KLHL29: variants seen among roughly 807,000 people sequenced by gnomAD.
KLHL29 encodes kelch-like protein 29.
Under a neutral mutation model 80.4 loss-of-function variants are expected in KLHL29, and 21 were observed. The observed-to-expected ratio is 0.26, with a 90% CI of 0.19 to 0.38. KLHL29 has a LOEUF of 0.38. Ranked by LOEUF, KLHL29 falls within the 10% of genes least tolerant of loss-of-function variation. The pLI, the probability that KLHL29 is intolerant of heterozygous loss-of-function variation, is 1.00. For missense variants in KLHL29, 867 were observed against 1,223.9 expected, an observed-to-expected ratio of 0.71 and a Z score of 4.35; for synonymous variants, 511 against 526.8, an observed-to-expected ratio of 0.97 and a Z score of 0.41.
At chr2:23,531,235 A>C (rs892948346) in intron 2 of KLHL29, among the ~76,000 whole-genome samples, 1 of 152,264 alleles carries the variant, frequency 6.6e-6, no homozygotes, top group Non-Finnish European at 1.5e-5. Context: ...AGCTGGGACC[A>C]GGGTGCAGCC....
At chr2:23,594,398 A>T (rs1414310347) in intron 3 of KLHL29, among the ~76,000 whole-genome samples, 1 of 151,922 alleles carries the variant, frequency 6.6e-6, no homozygotes, top group East Asian at 1.9e-4. Flanking sequence ...AAGACCAGGG[A>T]CATTTCGTTC....
At chr2:23,484,181 A>G (rs1664870493) in intron 2 of KLHL29, among the ~76,000 whole-genome samples, 1 of 152,192 alleles carries the variant, frequency 6.6e-6, no homozygotes, top group Admixed American at 6.5e-5. Flanking sequence ...AGACCCCTCC[A>G]CTTGCTCCTA....
intron 5 of KLHL29, among the ~76,000 whole-genome samples, chr2:23,652,822 G>A (rs995980106): frequency 3.3e-5 from 5 of 152,082 alleles, no homozygotes; most frequent in Non-Finnish European, 5.9e-5. Flanking sequence ...CTGTCCACTC[G>A]GCTGATTTCT....
chr2:23,631,916 C>G (rs913924151), intron 3 of KLHL29, among the ~76,000 whole-genome samples: 3 of 152,080 alleles, frequency 2.0e-5, no homozygotes, highest in Non-Finnish European at 4.4e-5. Context: ...TCAGTCCCCA[C>G]GCACAGGCCC....
chr2:23,404,466 A>T (rs891986859), intron 1 of KLHL29, among the ~76,000 whole-genome samples: 1 of 152,140 alleles, frequency 6.6e-6, no homozygotes, highest in Non-Finnish European at 1.5e-5. Flanking sequence ...TTTGAGATTT[A>T]AAAAAAAGAA....
At chr2:23,584,142 G>C (rs548209770) in intron 3 of KLHL29, among the ~76,000 whole-genome samples, 2 of 152,190 alleles carry the variant, frequency 1.3e-5, no homozygotes, top group Non-Finnish European at 2.9e-5. Flanking sequence ...GAAGATGAGC[G>C]ATCCCCAGGC....
intron 1 of KLHL29, among the ~76,000 whole-genome samples, chr2:23,393,659 G>A (rs748724244): frequency 2.6e-5 from 4 of 152,264 alleles, no homozygotes; most frequent in Non-Finnish European, 2.9e-5. Flanking sequence ...GTTTTTTCTC[G>A]AGATGGGTGT....
At chr2:23,540,967 G>A (rs540605891) in intron 2 of KLHL29, among the ~76,000 whole-genome samples, 3 of 152,328 alleles carry the variant, frequency 2.0e-5, no homozygotes, top group African/African-American at 7.2e-5. Flanking sequence ...CTTATGGCCA[G>A]GGGGATAGAA....
intron 1 of KLHL29, among the ~76,000 whole-genome samples, chr2:23,386,096 C>T (rs1399642996): frequency 2.0e-5 from 3 of 152,088 alleles, no homozygotes; most frequent in Non-Finnish European, 4.4e-5. Flanking sequence ...GCTTGTGTGA[C>T]CCCTGGCCGG....
intron 3 of KLHL29, among the ~76,000 whole-genome samples, chr2:23,575,402 G>A (rs1667819998): frequency 6.6e-6 from 1 of 152,218 alleles, no homozygotes; most frequent in Non-Finnish European, 1.5e-5. Flanking sequence ...ATTCTAAGAA[G>A]CAAGTCTGGA....
At chr2:23,474,435 A>C (rs1471472459) in intron 1 of KLHL29, among the ~76,000 whole-genome samples, 1 of 152,176 alleles carries the variant, frequency 6.6e-6, no homozygotes, top group African/African-American at 2.4e-5. Context: ...CTTGTGCTTC[A>C]CCTTGGAGAG....
intron 2 of KLHL29, among the ~76,000 whole-genome samples, chr2:23,561,777 A>G (rs1667453396): frequency 6.6e-6 from 1 of 151,802 alleles, no homozygotes; most frequent in African/African-American, 2.4e-5. Flanking sequence ...GGAGGAAAAC[A>G]CGTCCTGAGG....
intron 3 of KLHL29, among the ~76,000 whole-genome samples, chr2:23,615,428 G>A (rs1016116645): frequency 1.3e-5 from 2 of 152,198 alleles, no homozygotes; most frequent in Admixed American, 1.3e-4. Context: ...TCTGGGGCCA[G>A]AGAACAAGTC....
chr2:23,531,712 TCTCA>T (rs1353316536), intron 2 of KLHL29, among the ~76,000 whole-genome samples: 3 of 152,164 alleles, frequency 2.0e-5, no homozygotes, highest in Non-Finnish European at 4.4e-5. Flanking sequence ...GGCCCATAAA[TCTCA>T]CTTATTTCCA....
intron 5 of KLHL29, among the ~76,000 whole-genome samples, chr2:23,645,805 G>C (rs1669911203): frequency 6.6e-6 from 1 of 152,206 alleles, no homozygotes; most frequent in East Asian, 1.9e-4. Flanking sequence ...TCCAAAAAGG[G>C]CGTTGGGACT....
chr2:23,635,458 C>T (rs1669583569), intron 3 of KLHL29, among the ~76,000 whole-genome samples: 1 of 152,210 alleles, frequency 6.6e-6, no homozygotes, highest in South Asian at 2.1e-4. Context: ...GGTGGAGGCC[C>T]CCAGCCCCCA....
chr2:23,670,066 C>T (rs1023498686), intron 5 of KLHL29: 2 of 152,138 alleles, frequency 1.3e-5, no homozygotes, highest in African/African-American at 2.4e-5. Context: ...AGTTAGGCCT[C>T]TCCTTCCTGC....
Position 23,680,249 on chromosome 2 carries a change from A to T in KLHL29, c.941-4150A>T, listed in dbSNP as rs1671037255. Reference sequence around the variant, plus strand: ...AGGTAAAAAGATGGGACTTGGTGTGATGAGGGAGGGGAGGAGTCTGGGGAA... The same window carrying T: ...AGGTAAAAAGATGGGACTTGGTGTGTTGAGGGAGGGGAGGAGTCTGGGGAA... On this transcript the variant is annotated intron_variant, in intron 5 of 13. Transcript: ENST00000486442. The surrounding 1 kb of genome is among the most constrained non-coding windows in gnomAD (Gnocchi z 4.1). Among the ~76,000 whole-genome samples, 2 of 152,172 alleles carry T rather than the reference A, an allele frequency of 1.3e-5. No individual in the cohort carries two copies. Among genetic ancestry groups the T allele is most frequent in the Non-Finnish European group, 2.9e-5 (2 of 67,986 alleles).
chr2:23,543,282 G>A (rs952973878), intron 2 of KLHL29, among the ~76,000 whole-genome samples: 1 of 152,138 alleles, frequency 6.6e-6, no homozygotes, highest in African/African-American at 2.4e-5. Flanking sequence ...AGGGGAGCTG[G>A]AGAGTGTTGT....
Sources: allele counts gnomAD v4.1 joint callset (sites outside exome capture counted in the v4.1 genomes callset), GRCh38; gene constraint gnomAD v4.1.1; non-coding constraint Gnocchi (gnomAD v3.1); transcripts MANE v1.5; gene names NCBI Gene and HGNC (gene_info 2026-07-23, HGNC 2026-07-21).